Variants in DGKB observed in about 807,000 individuals in gnomAD.
DGKB encodes diacylglycerol kinase beta, also known as 90 kDa diacylglycerol kinase.
Under a neutral mutation model 114.3 loss-of-function variants are expected in DGKB, and 67 were observed. The observed-to-expected ratio is 0.59, with a 90% CI of 0.48 to 0.72. The LOEUF (loss-of-function observed/expected upper bound fraction) is 0.72, where lower values mean the gene tolerates loss of function less well. DGKB is among the 30% of genes least tolerant of loss of function. The pLI is 0.00. For synonymous variants in DGKB, 398 were observed against 323.1 expected, an observed-to-expected ratio of 1.23 and a Z score of -2.49; for missense variants, 907 against 975.2, an observed-to-expected ratio of 0.93 and a Z score of 0.93.
chr7:14,610,377 A>G (rs1186078714), intron 16 of DGKB, among the ~76,000 whole-genome samples: 1 of 152,046 alleles, frequency 6.6e-6, no homozygotes, highest in Non-Finnish European at 1.5e-5. Context: ...GGACTACCAG[A>G]GTGGGGAAGG....
In DGKB at chr7:14,567,410, TTA is replaced by T. The variant is rs1797687221; in HGVS notation, c.1770+6800_1770+6801del. On this transcript the variant is annotated intron_variant, in intron 20 of 25. Transcript: ENST00000402815. The stretch of plus-strand genomic sequence containing the variant: ...TATATATATAATTATATTATATATA[TTA>T]TATATTTATATATTATATATATAAT... Among the ~76,000 whole-genome samples the T allele has an allele frequency of 7.5e-5, 3 of 39,890 alleles. No individual in the cohort carries two copies. In the South Asian group the frequency reaches 2.1e-3, roughly 28 times the overall value. The allele number at this position is 39,890 out of a possible 152,430, so 26.2% of individuals were successfully genotyped here.
At chr7:14,637,792 A>T (rs889734390) in intron 13 of DGKB, among the ~76,000 whole-genome samples, 2 of 151,822 alleles carry the variant, frequency 1.3e-5, no homozygotes, top group Non-Finnish European at 2.9e-5. Flanking sequence ...TTAACCTAAA[A>T]TTTTTTTAGA....
intron 23 of DGKB, among the ~76,000 whole-genome samples, chr7:14,304,402 G>T (rs183277160): frequency 1.6e-4 from 24 of 152,004 alleles, no homozygotes; most frequent in African/African-American, 5.5e-4. Context: ...AATATTCCCA[G>T]ATTTTCTTGT....
At chr7:14,537,532 G>A (rs1792708102) in intron 20 of DGKB, among the ~76,000 whole-genome samples, 1 of 152,112 alleles carries the variant, frequency 6.6e-6, no homozygotes, top group Non-Finnish European at 1.5e-5. Flanking sequence ...ATACACAACA[G>A]AGTAAAGAGA....
intron 1 of DGKB, among the ~76,000 whole-genome samples, chr7:14,885,998 G>C (rs984836723): frequency 3.3e-5 from 5 of 151,788 alleles, no homozygotes. Context: ...AAGAACATGG[G>C]AAAATCAAAA....
intron 13 of DGKB, among the ~76,000 whole-genome samples, chr7:14,633,157 T>C (rs1397961523): frequency 6.6e-6 from 1 of 151,900 alleles, no homozygotes; most frequent in African/African-American, 2.4e-5. Flanking sequence ...ATGAGATATC[T>C]ACTGATAGAG....
intron 23 of DGKB, among the ~76,000 whole-genome samples, chr7:14,314,400 T>C (rs2128514308): frequency 6.6e-6 from 1 of 150,468 alleles, no homozygotes; most frequent in East Asian, 2.0e-4. Flanking sequence ...TTTAGAAGAA[T>C]GTATAACTAG....
chr7:14,685,035 C>T (rs1180796559), intron 10 of DGKB, among the ~76,000 whole-genome samples: 1 of 152,018 alleles, frequency 6.6e-6, no homozygotes, highest in African/African-American at 2.4e-5. Context: ...GGAAAATGTC[C>T]TTCATTTTTT....
intron 21 of DGKB, among the ~76,000 whole-genome samples, chr7:14,369,311 A>G (rs1457251335): frequency 6.6e-6 from 1 of 152,092 alleles, no homozygotes; most frequent in African/African-American, 2.4e-5. Flanking sequence ...TTCTTTATCC[A>G]GTCTATCATT....
intron 20 of DGKB, among the ~76,000 whole-genome samples, chr7:14,490,914 G>C (rs988479528): frequency 1.3e-5 from 2 of 150,932 alleles, no homozygotes; most frequent in Non-Finnish European, 3.0e-5. Context: ...AGGATTTTCT[G>C]GTAAATTATT....
At chr7:14,712,515 A>G (rs1363946000) in intron 6 of DGKB, among the ~76,000 whole-genome samples, 3 of 152,036 alleles carry the variant, frequency 2.0e-5, no homozygotes, top group African/African-American at 7.2e-5. Context: ...CTACTAAAAT[A>G]CAAAAATTAG....
At chr7:14,151,805 G>C (rs1782250059) in intron 25 of DGKB, among the ~76,000 whole-genome samples, 1 of 152,028 alleles carries the variant, frequency 6.6e-6, no homozygotes, top group South Asian at 2.1e-4. Context: ...ACCACATGGA[G>C]GAAACTAGCA....
upstream of DGKB, among the ~76,000 whole-genome samples, chr7:14,904,735 T>C (rs991315296): frequency 6.6e-6 from 1 of 152,194 alleles, no homozygotes; most frequent in African/African-American, 2.4e-5. Context: ...TTAAACATGA[T>C]GCCAAATAGC....
At chr7:14,415,419 A>T (rs1178873568) in intron 21 of DGKB, among the ~76,000 whole-genome samples, 4 of 122,768 alleles carry the variant, frequency 3.3e-5, no homozygotes, top group African/African-American at 9.0e-5. Flanking sequence ...ATCCCTCCCC[A>T]CTCCCCCCAC....
chr7:14,378,864 A>C (rs1486231548), intron 21 of DGKB, among the ~76,000 whole-genome samples: 2 of 152,130 alleles, frequency 1.3e-5, no homozygotes, highest in Non-Finnish European at 2.9e-5. Context: ...AATAGAATTT[A>C]AAAGGGAAAA....
At chr7:14,833,096 T>C (rs1846647161) in intron 2 of DGKB, among the ~76,000 whole-genome samples, 1 of 152,130 alleles carries the variant, frequency 6.6e-6, no homozygotes, top group Non-Finnish European at 1.5e-5. Context: ...CAGTTGGTGA[T>C]TGAATTCGGT....
intron 22 of DGKB, among the ~76,000 whole-genome samples, chr7:14,340,159 CT>C (rs35208788): frequency 0.3 from 26,913 of 89,004 alleles, 3,088 homozygotes; most frequent in African/African-American, 0.4. Flanking sequence ...CTGGATGATG[CT>C]TTTTTTTTTT....
chr7:14,899,253 C>T (rs217595), intron 1 of DGKB, among the ~76,000 whole-genome samples: 143,894 of 152,208 alleles, frequency 0.95, 68,555 homozygotes, highest in East Asian at 1. Flanking sequence ...ATATGTCCAA[C>T]TACTCTTTTA....
chr7:14,467,963 G>A (rs961255882), intron 21 of DGKB, among the ~76,000 whole-genome samples: 2 of 152,068 alleles, frequency 1.3e-5, no homozygotes, highest in East Asian at 3.9e-4. Context: ...GTGTTACAAC[G>A]AGGGTCCTCA....
Sources: gnomAD v4.1 joint callset for allele counts (sites outside exome capture counted in the v4.1 genomes callset) on GRCh38, gnomAD v4.1.1 for gene constraint, MANE v1.5 for transcripts, NCBI Gene and HGNC (gene_info 2026-07-23, HGNC 2026-07-21) for gene names.